The following SSBP4 variants were observed in gnomAD, a reference collection of about 807,000 sequenced individuals.
SSBP4 encodes the protein single stranded DNA binding protein 4.
SSBP4 carries 33 observed loss-of-function variants against 64.6 expected under a neutral mutation model. That is an observed-to-expected ratio of 0.51 (90% confidence interval 0.39 to 0.68). The LOEUF (loss-of-function observed/expected upper bound fraction) is 0.68, where lower values mean the gene tolerates loss of function less well. Ranked by LOEUF, SSBP4 falls within the 30% of genes least tolerant of loss-of-function variation. SSBP4 has a pLI of 0.00. For missense variants in SSBP4, 583 were observed against 566.8 expected, an observed-to-expected ratio of 1.03 and a Z score of -0.29; for synonymous variants, 243 against 224.0, an observed-to-expected ratio of 1.08 and a Z score of -0.76.
At chr19:18,424,051 T>A (rs1215375007) in intron 1 of SSBP4, among the ~76,000 whole-genome samples, 1 of 152,164 alleles carries the variant, frequency 6.6e-6, no homozygotes, top group Middle Eastern at 3.2e-3. Flanking sequence ...TTCAAAACTT[T>A]TCACCCAAAA....
Position 18,431,412 on chromosome 19 carries a change from C to T in SSBP4, c.429C>T (p.His143=), listed in dbSNP as rs553057980. The change falls in exon 6 of 18, where the codon CAC becomes CAT. Residue 143 remains histidine (H), a synonymous_variant. Transcript: ENST00000270061. The part of the protein sequence containing the change: ...HNPNAPMMGP[H]GQPFMSPRFP... The stretch of plus-strand genomic sequence containing the variant: ...CCAACGCCCCCATGATGGGGCCTCA[C>T]GGTCAGGTAAGGAGCTGTGGTGCCT... 1.5e-5 allele frequency: 23 copies of T among 1,507,978 alleles called. No homozygotes were observed. In the African/African-American group the frequency reaches 1.6e-4, roughly 10 times the overall value. 93.4% of individuals were successfully genotyped at this position (1,507,978 alleles called of 1,614,324 possible).
chr19:18,408,116 T>C, the SSBP4 span, among the ~76,000 whole-genome samples: 2 of 152,276 alleles, frequency 1.3e-5, no homozygotes, highest in South Asian at 4.1e-4. Context: ...AAACGTGGCA[T>C]GAAGGCAGCC....
intron 7 of SSBP4, 29 bp downstream of exon 7, chr19:18,431,735 A>AGGAGCTGGGCC (rs1249178876): frequency 1.3e-6 from 2 of 1,543,546 alleles, no homozygotes; most frequent in African/African-American, 2.7e-5. Context: ...GAGGGCGGGC[A>AGGAGCTGGGCC]GGAGCTGGGC....
At chr19:18,405,539 C>G in the SSBP4 span, among the ~76,000 whole-genome samples, 3 of 151,894 alleles carry the variant, frequency 2.0e-5, no homozygotes, top group South Asian at 6.2e-4. Flanking sequence ...GGTCTCTGTC[C>G]GACACCCATG....
intron 1 of SSBP4, among the ~76,000 whole-genome samples, chr19:18,420,677 G>A (rs972602405): frequency 2.0e-5 from 3 of 151,918 alleles, no homozygotes; most frequent in African/African-American, 7.3e-5. Flanking sequence ...GGCCAACATG[G>A]TGAAACCCCG....
intron 1 of SSBP4, among the ~76,000 whole-genome samples, chr19:18,421,787 C>G (rs1478853926): frequency 6.6e-6 from 1 of 152,100 alleles, no homozygotes; most frequent in Non-Finnish European, 1.5e-5. Flanking sequence ...CGCTCTGGCT[C>G]CCAGGTGGAG....
the SSBP4 span, among the ~76,000 whole-genome samples, chr19:18,411,000 C>T: frequency 1.3e-5 from 2 of 152,050 alleles, no homozygotes; most frequent in African/African-American, 2.4e-5. Flanking sequence ...TTCGGCCGGG[C>T]GCGGTGGCTC....
rs1366676253 is a variant in SSBP4 at position 18,423,472 on chromosome 19, C to G, written c.59+3765C>G. On this transcript the variant is annotated intron_variant, in intron 1 of 17. Transcript: ENST00000270061. The surrounding 1 kb of genome is among the most constrained non-coding windows in gnomAD (Gnocchi z 4.0). ...GGGAGGACGGCGAGGGTTGGAGGGT[C>G]AGGAGTGAGACCTGGTGACGGATGG... Among the ~76,000 whole-genome samples the G allele has an allele frequency of 6.6e-6, 1 of 152,094 alleles. No homozygotes were observed. The highest frequency in any genetic ancestry group is 2.4e-5 in the African/African-American group (1 of 41,402).
chr19:18,429,178 C>G (rs1973119808), intron 4 of SSBP4, among the ~76,000 whole-genome samples: 1 of 152,092 alleles, frequency 6.6e-6, no homozygotes, highest in African/African-American at 2.4e-5. Context: ...TAACTGGGGG[C>G]GCCTTGCCCG....
chr19:18,405,358 G>T, the SSBP4 span, among the ~76,000 whole-genome samples: 1 of 152,222 alleles, frequency 6.6e-6, no homozygotes, highest in Admixed American at 6.5e-5. Flanking sequence ...CAGAGCAGGG[G>T]AATTTAAAAA....
chr19:18,413,340 C>T, the SSBP4 span, among the ~76,000 whole-genome samples: 1 of 152,130 alleles, frequency 6.6e-6, no homozygotes, highest in East Asian at 1.9e-4. Flanking sequence ...TCCTGAATAG[C>T]TGGGATTACA....
the SSBP4 span, among the ~76,000 whole-genome samples, chr19:18,411,223 G>C: frequency 2.0e-5 from 3 of 151,452 alleles, no homozygotes; most frequent in Admixed American, 2.0e-4. Context: ...TCAGGTGCAT[G>C]GGCTCACGCC....
chr19:18,432,523 C>T, intron 10 of SSBP4, 36 bp from the exon 11 acceptor site: 1 of 1,546,254 alleles, frequency 6.5e-7, no homozygotes, highest in South Asian at 1.2e-5. Flanking sequence ...TCCACATGGA[C>T]TAGCCCCAGA....
chr19:18,417,975 A>C (rs1972192297), upstream of SSBP4, among the ~76,000 whole-genome samples: 1 of 152,026 alleles, frequency 6.6e-6, no homozygotes, highest in Admixed American at 6.5e-5. The surrounding 1 kb of genome is among the most constrained non-coding windows in gnomAD (Gnocchi z 5.4). Flanking sequence ...TTCACACACA[A>C]ACACACACAC....
rs565445588 is a variant in SSBP4, at chr19:18,433,521, T to C, written c.992-64T>C. ...GCAGCTTGCGAGGGTCGTTGGCCCC[T>C]GGAGGCCGAGGGGCATGGCGCCAGC... On this transcript the variant is annotated intron_variant, in intron 15 of 17. Coordinates refer to ENST00000270061, the MANE Select transcript of SSBP4 (RefSeq NM_032627.5). The C allele has an allele frequency of 1.1e-4, 164 of 1,540,200 alleles. No individual in the cohort carries two copies. In the African/African-American group the frequency reaches 1.4e-3, roughly 13 times the overall value.
rs551669690 is a variant in SSBP4, at chr19:18,431,788, C to T, written c.496-5C>T. On this transcript the variant is annotated splice_polypyrimidine_tract_variant and splice_region_variant and intron_variant, in intron 7 of 17. Transcript: ENST00000270061. ...ACACTCAGTGCCGCCGCACCCCCTC[C>T]GCAGCCTCCCGCAGGCCTCCCTGGC... 1.5e-5 allele frequency: 23 copies of T among 1,551,098 alleles called. No individual in the cohort carries two copies. The highest frequency in any genetic ancestry group is 9.5e-5 in the African/African-American group (7 of 73,350).
chr19:18,411,470 G>C, the SSBP4 span, among the ~76,000 whole-genome samples: 1 of 152,092 alleles, frequency 6.6e-6, no homozygotes. Context: ...ACTCCAGCCT[G>C]GGCAACAGAG....
chr19:18,404,985 G>GCCCC, the SSBP4 span, among the ~76,000 whole-genome samples: 1 of 134,498 alleles, frequency 7.4e-6, no homozygotes, highest in African/African-American at 2.8e-5. Flanking sequence ...AAGCCCAGAG[G>GCCCC]CCCCCCCCCC....
chr19:18,418,972 G>A, upstream of SSBP4: 2 of 985,554 alleles, frequency 2.0e-6, no homozygotes, highest in Non-Finnish European at 2.4e-6. The surrounding 1 kb of genome is among the most constrained non-coding windows in gnomAD (Gnocchi z 6.7). Context: ...CACCCTTGCT[G>A]AGTGTGGGTA....
Sources: allele counts gnomAD v4.1 joint callset (sites outside exome capture counted in the v4.1 genomes callset), GRCh38; gene constraint gnomAD v4.1.1; non-coding constraint Gnocchi (gnomAD v3.1); transcripts MANE v1.5; gene names NCBI Gene and HGNC (gene_info 2026-07-23, HGNC 2026-07-21).